CPNE8: variants seen among roughly 807,000 people sequenced by gnomAD.
The protein encoded by CPNE8 is copine-8.
Under a neutral mutation model 81.5 loss-of-function variants are expected in CPNE8, and 45 were observed. That is an observed-to-expected ratio of 0.55 (90% CI 0.44 to 0.71). The LOEUF is 0.71. Among genes scored for constraint, CPNE8 ranks in the 30% least tolerant of loss-of-function variants. The probability of loss-of-function intolerance (pLI) is 0.00; values close to 1 mark genes in which losing one functional copy is unlikely to be tolerated. For synonymous variants in CPNE8, 252 were observed against 226.3 expected (o/e 1.11, Z -1.02); for missense variants, 594 against 672.1 (o/e 0.88, Z 1.28).
chr12:38,906,158 T>C (rs1384199027), upstream of CPNE8: 1 of 985,766 alleles, frequency 1.0e-6, no homozygotes, highest in East Asian at 1.1e-4. Context: ...CTCGGAGCTC[T>C]TGGGAGATCC....
At chr12:38,772,880 C>A (rs1455429183) in intron 7 of CPNE8, among the ~76,000 whole-genome samples, 1 of 151,654 alleles carries the variant, frequency 6.6e-6, no homozygotes, top group Non-Finnish European at 1.5e-5. Context: ...AAGTGTCCAT[C>A]AACAGATGAA....
At chr12:38,831,387 T>G (rs1263834281) in intron 5 of CPNE8, among the ~76,000 whole-genome samples, 2 of 152,106 alleles carry the variant, frequency 1.3e-5, no homozygotes, top group Non-Finnish European at 2.9e-5. Context: ...CAGAGTGATT[T>G]CAGGAATGAG....
At chr12:38,670,167 A>G (rs373848785) in intron 19 of CPNE8, among the ~76,000 whole-genome samples, 6 of 152,308 alleles carry the variant, frequency 3.9e-5, no homozygotes, top group African/African-American at 1.4e-4. Flanking sequence ...TTTAGGAAAT[A>G]ATATTAAAGT....
At chr12:38,827,053 C>T (rs570758742) in intron 6 of CPNE8, among the ~76,000 whole-genome samples, 20 of 149,714 alleles carry the variant, frequency 1.3e-4, no homozygotes, top group South Asian at 8.5e-4. Flanking sequence ...GCCACACGTG[C>T]GCCTGTAATC....
At chr12:38,667,482 TA>T (rs764258734) in intron 19 of CPNE8, among the ~76,000 whole-genome samples, 8 of 152,208 alleles carry the variant, frequency 5.3e-5, no homozygotes, top group African/African-American at 9.6e-5. Context: ...AATGTGAATG[TA>T]AATGATCAAT....
chr12:38,726,600 C>T (rs1199400081), intron 11 of CPNE8: 1 of 151,974 alleles, frequency 6.6e-6, no homozygotes, highest in Non-Finnish European at 1.5e-5. Flanking sequence ...GCACTCTGAA[C>T]AATATATAGG....
intron 19 of CPNE8, among the ~76,000 whole-genome samples, chr12:38,656,433 G>A (rs1564978): frequency 0.63 from 95,398 of 151,304 alleles, 36,705 homozygotes; most frequent in Non-Finnish European, 0.88. Flanking sequence ...CTATGGAAAG[G>A]GGAGATCTCC....
chr12:38,715,839 G>C (rs1940373491), intron 13 of CPNE8, among the ~76,000 whole-genome samples: 1 of 152,072 alleles, frequency 6.6e-6, no homozygotes, highest in South Asian at 2.1e-4. Context: ...AATTGGAAGA[G>C]AGGATGTCAA....
chr12:38,719,884 C>A (rs967078001), intron 13 of CPNE8, among the ~76,000 whole-genome samples: 14 of 152,022 alleles, frequency 9.2e-5, no homozygotes, highest in African/African-American at 3.1e-4. Context: ...TTTTTCATAT[C>A]CTTTACAAAT....
chr12:38,803,443 G>A (rs1942736430), intron 6 of CPNE8, among the ~76,000 whole-genome samples: 1 of 150,444 alleles, frequency 6.6e-6, no homozygotes, highest in Non-Finnish European at 1.5e-5. Flanking sequence ...AAAAGCCTTT[G>A]ACAAAATTCA....
intron 10 of CPNE8, among the ~76,000 whole-genome samples, chr12:38,749,041 T>C (rs1592059096): frequency 6.6e-6 from 1 of 152,186 alleles, no homozygotes. Context: ...AATCTCATCT[T>C]GTAGCTCCCA....
intron 1 of CPNE8, among the ~76,000 whole-genome samples, chr12:38,879,735 T>G (rs924678422): frequency 3.7e-4 from 56 of 152,118 alleles, no homozygotes; most frequent in Admixed American, 2.7e-3. Flanking sequence ...ACGACCTGTG[T>G]GTGAATTTTA....
chr12:38,903,702 T>TC (rs1342353981), intron 1 of CPNE8, among the ~76,000 whole-genome samples: 2 of 152,234 alleles, frequency 1.3e-5, no homozygotes, highest in Non-Finnish European at 2.9e-5. Flanking sequence ...TTGTAGGACT[T>TC]CCGGCTATCC....
At chr12:38,730,430 A>G (rs998081465) in intron 10 of CPNE8, 72 bp from the exon 11 acceptor site, 1 of 829,750 alleles carries the variant, frequency 1.2e-6, no homozygotes, top group South Asian at 1.6e-5. Context: ...AAGTTTTTAG[A>G]AAGGTTTAAT....
At chr12:38,741,015 C>T (rs150950471) in intron 10 of CPNE8, among the ~76,000 whole-genome samples, 1 of 152,056 alleles carries the variant, frequency 6.6e-6, no homozygotes, top group South Asian at 2.1e-4. Flanking sequence ...CAAACCACTG[C>T]TCAATGAAGT....
chr12:38,867,335 TGTGTGAGAGAGAGAGA>T (rs1943930097), intron 3 of CPNE8, among the ~76,000 whole-genome samples: 1 of 143,178 alleles, frequency 7.0e-6, no homozygotes, highest in East Asian at 2.1e-4. Context: ...TGTGTGTGTG[TGTGTGAGAGAGAGAGA>T]GAGAGAGAGA....
At chr12:38,886,047 T>G (rs2137131572) in intron 1 of CPNE8, among the ~76,000 whole-genome samples, 1 of 152,292 alleles carries the variant, frequency 6.6e-6, no homozygotes, top group Admixed American at 6.5e-5. Flanking sequence ...CAGGTAGTTC[T>G]TTACAGCAAG....
chr12:38,798,376 G>A (rs1942558877), intron 6 of CPNE8, among the ~76,000 whole-genome samples: 2 of 152,174 alleles, frequency 1.3e-5, no homozygotes, highest in South Asian at 4.1e-4. Flanking sequence ...CAAGCCAGAA[G>A]ACAGTGGGGG....
intron 8 of CPNE8, among the ~76,000 whole-genome samples, chr12:38,765,479 C>A (rs1255367360): frequency 2.0e-5 from 3 of 152,008 alleles, no homozygotes. Flanking sequence ...ATTAATACTT[C>A]CAGTAGAAAT....
Sources: allele counts gnomAD v4.1 joint callset (sites outside exome capture counted in the v4.1 genomes callset), GRCh38; gene constraint gnomAD v4.1.1; transcripts MANE v1.5; gene names NCBI Gene and HGNC (gene_info 2026-07-23, HGNC 2026-07-21).